The following GPC6 variants were observed in gnomAD, a reference collection of about 807,000 sequenced individuals.
GPC6 encodes the protein glypican-6.
GPC6 carries 14 observed loss-of-function variants against 55.2 expected under a neutral mutation model. That is an observed-to-expected ratio of 0.25 (90% CI 0.17 to 0.40). GPC6 has a LOEUF of 0.40. GPC6 is among the 10% of genes least tolerant of loss of function. GPC6 has a pLI of 1.00. For synonymous variants in GPC6, 278 were observed against 259.6 expected (o/e 1.07, Z -0.68); for missense variants, 641 against 708.5 (o/e 0.90, Z 1.08).
intron 1 of GPC6, among the ~76,000 whole-genome samples, chr13:93,422,569 T>G (rs1876960995): frequency 6.6e-6 from 1 of 152,194 alleles, no homozygotes. Context: ...GTGGTTCCTT[T>G]CAGTCTTTTT....
chr13:94,005,543 A>C (rs1266157791), intron 3 of GPC6, among the ~76,000 whole-genome samples: 1 of 152,198 alleles, frequency 6.6e-6, no homozygotes, highest in Non-Finnish European at 1.5e-5. Flanking sequence ...ACATTGTATG[A>C]AGAAAAGACA....
In GPC6 at chr13:93,830,140, T is replaced by C; in HGVS notation, c.320-14T>C. 1 of 1,604,004 alleles carries C rather than the reference T, an allele frequency of 6.2e-7. No homozygotes were observed. The highest frequency in any genetic ancestry group is 8.5e-7 in the Non-Finnish European group (1 of 1,173,952). The stretch of plus-strand genomic sequence containing the variant: ...ATTTCATTAATTTATGACTTCTTTC[T>C]GTTTTATCTGCAGAATTTTTCCGAG... On this transcript the variant is annotated splice_polypyrimidine_tract_variant and intron_variant, in intron 2 of 8. Transcript: ENST00000377047.
intron 4 of GPC6, among the ~76,000 whole-genome samples, chr13:94,043,487 T>C (rs1346146165): frequency 1.3e-5 from 2 of 151,904 alleles, no homozygotes; most frequent in Non-Finnish European, 1.5e-5. Context: ...ATAATCATAC[T>C]ACAATAATAA....
chr13:94,155,934 C>A (rs1279372758), intron 4 of GPC6, among the ~76,000 whole-genome samples: 1 of 152,106 alleles, frequency 6.6e-6, no homozygotes, highest in Non-Finnish European at 1.5e-5. Context: ...AGAACACACT[C>A]CACATTCACT....
chr13:93,547,724 G>GA lies in GPC6; in HGVS notation c.319+2314dup, dbSNP rs548788991. Among the ~76,000 whole-genome samples, 123 of 142,546 alleles carry GA rather than the reference G, an allele frequency of 8.6e-4. 1 individual carries two copies. Among genetic ancestry groups the GA allele is most frequent in the Middle Eastern group, 3.6e-3 (1 of 280 alleles). 93.5% of individuals were successfully genotyped at this position (142,546 alleles called of 152,430 possible). A position where few individuals can be genotyped will look rare whatever the true frequency, so the allele number is the denominator to read the frequency against. On this transcript the variant is annotated intron_variant, in intron 2 of 8. Coordinates refer to ENST00000377047, the MANE Select transcript of GPC6 (RefSeq NM_005708.5). ...TTTTGGAGGCTTTCAGCCAGAGTGG[G>GA]AAAAAAAAAAAGAGAATCTAAATGT...
At chr13:93,962,562 A>G (rs1879833125) in intron 3 of GPC6, among the ~76,000 whole-genome samples, 1 of 152,180 alleles carries the variant, frequency 6.6e-6, no homozygotes, top group South Asian at 2.1e-4. Context: ...TGCATGAAGG[A>G]ATAAACACAT....
chr13:93,995,351 G>A (rs1194518433), intron 3 of GPC6, among the ~76,000 whole-genome samples: 1 of 151,646 alleles, frequency 6.6e-6, no homozygotes, highest in Non-Finnish European at 1.5e-5. Context: ...CCACACCCAG[G>A]TAATTTTTGT....
chr13:94,099,331 A>G (rs1885772611), intron 4 of GPC6, among the ~76,000 whole-genome samples: 1 of 152,262 alleles, frequency 6.6e-6, no homozygotes, highest in East Asian at 1.9e-4. Context: ...TGTGTACATT[A>G]TATGTTCCCT....
chr13:93,769,831 CA>C (rs1323183340), intron 2 of GPC6, among the ~76,000 whole-genome samples: 3 of 152,174 alleles, frequency 2.0e-5, no homozygotes, highest in African/African-American at 7.2e-5. Context: ...AGTGTTTTTC[CA>C]ATCTTGGTAG....
At chr13:93,675,823 A>C (rs1338250550) in intron 2 of GPC6, among the ~76,000 whole-genome samples, 1 of 152,146 alleles carries the variant, frequency 6.6e-6, no homozygotes, top group Non-Finnish European at 1.5e-5. Context: ...CAATACAAGA[A>C]GTGGAAAGCT....
chr13:93,611,385 A>G (rs1423273172), intron 2 of GPC6, among the ~76,000 whole-genome samples: 1 of 152,120 alleles, frequency 6.6e-6, no homozygotes, highest in East Asian at 1.9e-4. Flanking sequence ...TTCAGAGTAC[A>G]TATCACCTAA....
At chr13:93,797,060 G>A (rs1566540577) in intron 2 of GPC6, among the ~76,000 whole-genome samples, 1 of 152,238 alleles carries the variant, frequency 6.6e-6, no homozygotes. Flanking sequence ...TAAGTGAAAA[G>A]TAGCCTAACA....
intron 2 of GPC6, among the ~76,000 whole-genome samples, chr13:93,652,427 A>C (rs1200603250): frequency 2.6e-5 from 4 of 152,138 alleles, no homozygotes; most frequent in African/African-American, 9.7e-5. Context: ...GCATTAACTG[A>C]ACTCAGATAA....
chr13:93,743,997 A>G (rs181715987), intron 2 of GPC6, among the ~76,000 whole-genome samples: 37 of 152,306 alleles, frequency 2.4e-4, no homozygotes, highest in Admixed American at 1.8e-3. Flanking sequence ...CTAATTTTGT[A>G]TATATTGAAT....
At chr13:93,315,844 C>T (rs1281257442) in intron 1 of GPC6, among the ~76,000 whole-genome samples, 1 of 151,706 alleles carries the variant, frequency 6.6e-6, no homozygotes, top group Admixed American at 6.6e-5. Flanking sequence ...TCTCTGCGTA[C>T]CACTGTTCTG....
chr13:93,781,286 A>G lies in GPC6; in HGVS notation c.320-48868A>G, dbSNP rs1156782490. ...TGAGACTCCATCTCCGAAAAAAAAA[A>G]AAAAGAAAAAAGAAATACATAATTA... On this transcript the variant is annotated intron_variant, in intron 2 of 8. Coordinates refer to ENST00000377047, the MANE Select transcript of GPC6 (RefSeq NM_005708.5). 2.0e-5 allele frequency among the ~76,000 whole-genome samples: 3 copies of G among 151,980 alleles called. No individual in the cohort carries two copies. The East Asian group carries it at 5.8e-4, about 29-fold the overall frequency.
chr13:93,966,307 G>C (rs1298342866), intron 3 of GPC6, among the ~76,000 whole-genome samples: 1 of 152,170 alleles, frequency 6.6e-6, no homozygotes, highest in Non-Finnish European at 1.5e-5. Flanking sequence ...GAATTGAGTG[G>C]GTCCTCATCT....
At chr13:93,404,375 T>C (rs1876207859) in intron 1 of GPC6, among the ~76,000 whole-genome samples, 1 of 152,168 alleles carries the variant, frequency 6.6e-6, no homozygotes, top group Non-Finnish European at 1.5e-5. Flanking sequence ...AATTCTGAAC[T>C]AGGCTTTTAC....
intron 3 of GPC6, among the ~76,000 whole-genome samples, chr13:93,995,461 A>C (rs1309853468): frequency 6.6e-6 from 1 of 152,128 alleles, no homozygotes; most frequent in East Asian, 1.9e-4. Context: ...GTGCTGGAAT[A>C]ACAGGCAAGA....
Sources: allele counts gnomAD v4.1 joint callset (sites outside exome capture counted in the v4.1 genomes callset), GRCh38; gene constraint gnomAD v4.1.1; transcripts MANE v1.5; gene names NCBI Gene and HGNC (gene_info 2026-07-23, HGNC 2026-07-21).